CDYL: variants seen among roughly 807,000 people sequenced by gnomAD.
CDYL encodes chromodomain Y-like protein.
In CDYL, 8 loss-of-function variants were observed where a neutral mutation model predicts 47.3. The ratio of observed to expected loss-of-function variants is 0.17; its 90% CI spans 0.10 to 0.31. CDYL has a LOEUF of 0.31. CDYL is among the 10% of genes least tolerant of loss of function. CDYL has a pLI of 1.00. For missense variants in CDYL, 471 were observed against 701.4 expected, an observed-to-expected ratio of 0.67 and a Z score of 3.71; for synonymous variants, 266 against 265.0, an observed-to-expected ratio of 1.00 and a Z score of -0.04.
chr6:4,794,517 G>A (rs923843977), intron 1 of CDYL, among the ~76,000 whole-genome samples: 2 of 152,064 alleles, frequency 1.3e-5, no homozygotes, highest in East Asian at 1.9e-4. Flanking sequence ...GGCAGGCTCC[G>A]GGGTTTGTTT....
intron 2 of CDYL, among the ~76,000 whole-genome samples, chr6:4,903,530 A>G (rs1581251818): frequency 6.6e-6 from 1 of 152,192 alleles, no homozygotes; most frequent in African/African-American, 2.4e-5. Context: ...TTGAACTTCA[A>G]CAACAAGTGA....
intron 1 of CDYL, among the ~76,000 whole-genome samples, chr6:4,860,597 A>G: frequency 6.9e-6 from 1 of 144,932 alleles, no homozygotes; most frequent in East Asian, 1.9e-4. Context: ...ATATACATAT[A>G]TATCATATAT....
At chr6:4,874,044 T>G (rs1761546951) in intron 1 of CDYL, among the ~76,000 whole-genome samples, 1 of 152,170 alleles carries the variant, frequency 6.6e-6, no homozygotes, top group Non-Finnish European at 1.5e-5. Flanking sequence ...TTGGTGCTCA[T>G]CGTTCAGTTG....
intron 1 of CDYL, among the ~76,000 whole-genome samples, chr6:4,876,572 G>A (rs1345426581): frequency 2.0e-5 from 3 of 152,138 alleles, no homozygotes; most frequent in African/African-American, 7.2e-5. Flanking sequence ...CATGAACGGT[G>A]TGATATTCAT....
intron 1 of CDYL, among the ~76,000 whole-genome samples, chr6:4,830,548 T>G (rs1004722020): frequency 2.0e-5 from 3 of 152,210 alleles, no homozygotes; most frequent in Admixed American, 1.3e-4. Flanking sequence ...TCTGGAAACT[T>G]TGAAATATGT....
intron 1 of CDYL, among the ~76,000 whole-genome samples, chr6:4,880,080 T>C (rs1238928435): frequency 6.6e-6 from 1 of 152,058 alleles, no homozygotes. Flanking sequence ...CAGGGTTCAC[T>C]CTTGGTGTTA....
chr6:4,868,621 TTGGA>T (rs1761388333), intron 1 of CDYL, among the ~76,000 whole-genome samples: 2 of 152,170 alleles, frequency 1.3e-5, no homozygotes, highest in Admixed American at 6.5e-5. Context: ...AGGACCATTG[TTGGA>T]TGGACTATAA....
intron 1 of CDYL, among the ~76,000 whole-genome samples, chr6:4,799,179 T>C (rs988502537): frequency 1.3e-5 from 2 of 152,204 alleles, no homozygotes; most frequent in African/African-American, 4.8e-5. Context: ...GACCCCTGGG[T>C]TTAGAATTAG....
chr6:4,888,191 G>A (rs1355452841), intron 1 of CDYL, among the ~76,000 whole-genome samples: 1 of 152,052 alleles, frequency 6.6e-6, no homozygotes, highest in East Asian at 1.9e-4. Context: ...GTAAATAGTG[G>A]CCTCATATAA....
At chr6:4,782,218 A>C (rs1344899679) in intron 1 of CDYL, among the ~76,000 whole-genome samples, 1 of 152,038 alleles carries the variant, frequency 6.6e-6, no homozygotes, top group Non-Finnish European at 1.5e-5. Context: ...AGGGCGTTGT[A>C]ATTTCTGTTT....
intron 4 of CDYL, among the ~76,000 whole-genome samples, chr6:4,940,154 A>G (rs1239936559): frequency 6.6e-6 from 1 of 152,160 alleles, no homozygotes; most frequent in African/African-American, 2.4e-5. Context: ...CACTTTCATC[A>G]GCTCCCTGCT....
At chr6:4,744,907 T>C (rs953797880) in intron 3 of CDYL, among the ~76,000 whole-genome samples, 6 of 152,114 alleles carry the variant, frequency 3.9e-5, no homozygotes, top group African/African-American at 1.4e-4. Flanking sequence ...TAGCCAATCA[T>C]TCATCACCTA....
chr6:4,782,132 A>G (rs1329099937), intron 1 of CDYL, among the ~76,000 whole-genome samples: 1 of 152,074 alleles, frequency 6.6e-6, no homozygotes, highest in Non-Finnish European at 1.5e-5. Context: ...TTCTTTCTGC[A>G]GGCTCCTTGA....
At chr6:4,839,880 T>G (rs1315908299) in intron 1 of CDYL, among the ~76,000 whole-genome samples, 1 of 152,194 alleles carries the variant, frequency 6.6e-6, no homozygotes, top group Admixed American at 6.5e-5. Flanking sequence ...TCTTTTTGCT[T>G]AGTCTTGCTT....
At chr6:4,893,742 C>T (rs1762118714) in intron 2 of CDYL, among the ~76,000 whole-genome samples, 1 of 152,046 alleles carries the variant, frequency 6.6e-6, no homozygotes, top group African/African-American at 2.4e-5. Flanking sequence ...TGTGTGTCTC[C>T]TCCAACCCAA....
At chr6:4,803,085 G>C (rs893956706) in intron 1 of CDYL, among the ~76,000 whole-genome samples, 4 of 152,168 alleles carry the variant, frequency 2.6e-5, no homozygotes. Context: ...CTAGTTTCAA[G>C]AGCCCTTCAG....
intron 4 of CDYL, among the ~76,000 whole-genome samples, chr6:4,942,303 TC>T (rs765379114): frequency 1.3e-5 from 2 of 151,920 alleles, no homozygotes; most frequent in Non-Finnish European, 2.9e-5. Context: ...GACACAACCC[TC>T]CTCACCTCCC....
At chr6:4,876,156 A>C (rs555920247) in intron 1 of CDYL, among the ~76,000 whole-genome samples, 2 of 152,304 alleles carry the variant, frequency 1.3e-5, no homozygotes, top group Middle Eastern at 3.4e-3. Context: ...TTGTTTATAC[A>C]GTAGTTTTTG....
chr6:4,894,471 G>A (rs9504286), intron 2 of CDYL, among the ~76,000 whole-genome samples: 3,729 of 152,202 alleles, frequency 0.025, 89 homozygotes, highest in East Asian at 0.088. Context: ...GAAAAAAATC[G>A]GGAGGAATAT....
Sources: allele counts gnomAD v4.1 joint callset (sites outside exome capture counted in the v4.1 genomes callset), GRCh38; gene constraint gnomAD v4.1.1; transcripts MANE v1.5; gene names NCBI Gene and HGNC (gene_info 2026-07-23, HGNC 2026-07-21).